The following GRIA4 variants were observed in gnomAD, a reference collection of about 807,000 sequenced individuals.
The protein encoded by GRIA4 is glutamate receptor 4.
A neutral mutation model predicts 104.0 loss-of-function variants in GRIA4; 34 were observed. That is an observed-to-expected ratio of 0.33 (90% CI 0.25 to 0.44). GRIA4 has a LOEUF of 0.44. Among genes scored for constraint, GRIA4 ranks in the 20% least tolerant of loss-of-function variants. The pLI, the probability that GRIA4 is intolerant of heterozygous loss-of-function variation, is 1.00. For synonymous variants in GRIA4, 386 were observed against 381.9 expected, an observed-to-expected ratio of 1.01 and a Z score of -0.13; for missense variants, 750 against 1,096.5, an observed-to-expected ratio of 0.68 and a Z score of 4.46.
In GRIA4 at chr11:105,615,080, T is replaced by C. The variant is rs144037305; in HGVS notation, c.247+2646T>C. On this transcript the variant is annotated intron_variant, in intron 3 of 16. Coordinates refer to ENST00000282499, the MANE Select transcript of GRIA4 (RefSeq NM_000829.4). ...TGGCTGGTTAAGTTTATTTTAGTCA[T>C]GATTTTTCTACAGTGGCTCCTTGTA... is the stretch of plus-strand genomic sequence containing the variant. 6.8e-3 allele frequency among the ~76,000 whole-genome samples: 1,028 copies of C among 152,046 alleles called. 8 individuals carry two copies. The highest frequency in any genetic ancestry group is 0.024 in the African/African-American group (991 of 41,520).
intron 14 of GRIA4, among the ~76,000 whole-genome samples, chr11:105,935,487 A>C (rs775922220): frequency 3.3e-5 from 5 of 152,214 alleles, no homozygotes; most frequent in Non-Finnish European, 7.4e-5. Flanking sequence ...TGTGTGATGC[A>C]ATATGAAGAA....
At chr11:105,639,775 TTTAG>T (rs1198183214) in intron 3 of GRIA4, among the ~76,000 whole-genome samples, 3 of 152,000 alleles carry the variant, frequency 2.0e-5, no homozygotes, top group African/African-American at 7.2e-5. Context: ...TCTGTATCTT[TTTAG>T]TTAGTGTCCA....
intron 6 of GRIA4, among the ~76,000 whole-genome samples, chr11:105,890,885 T>C (rs1293917545): frequency 6.6e-6 from 1 of 152,230 alleles, no homozygotes; most frequent in Non-Finnish European, 1.5e-5. Context: ...GCGATTCTTT[T>C]TTCTTTTCTA....
chr11:105,935,564 T>G (rs1015973636), intron 14 of GRIA4, among the ~76,000 whole-genome samples: 2 of 152,140 alleles, frequency 1.3e-5, no homozygotes, highest in African/African-American at 4.8e-5. Flanking sequence ...TGAGAGCACC[T>G]TAGCGTAAAT....
intron 3 of GRIA4, among the ~76,000 whole-genome samples, chr11:105,685,530 C>T (rs1241374217): frequency 1.3e-5 from 2 of 152,158 alleles, no homozygotes; most frequent in African/African-American, 2.4e-5. Context: ...TAAAAGAGTG[C>T]TAGTAACTGT....
intron 4 of GRIA4, among the ~76,000 whole-genome samples, chr11:105,860,312 G>A (rs1284122923): frequency 1.3e-5 from 2 of 152,052 alleles, no homozygotes; most frequent in Non-Finnish European, 2.9e-5. Flanking sequence ...AAACATACCT[G>A]AAAAAATTCA....
At chr11:105,653,606 G>A (rs139228618) in intron 3 of GRIA4, among the ~76,000 whole-genome samples, 1 of 152,150 alleles carries the variant, frequency 6.6e-6, no homozygotes, top group Non-Finnish European at 1.5e-5. Flanking sequence ...CCTCAGATAA[G>A]GACGGACTGT....
chr11:105,961,100 CAGTGA>C (rs1352864312), intron 14 of GRIA4, among the ~76,000 whole-genome samples: 1 of 152,226 alleles, frequency 6.6e-6, no homozygotes, highest in Admixed American at 6.5e-5. Flanking sequence ...ATTCTATCAT[CAGTGA>C]ATGAGAATGC....
intron 3 of GRIA4, among the ~76,000 whole-genome samples, chr11:105,633,986 G>C (rs1172980225): frequency 6.6e-6 from 1 of 152,078 alleles, no homozygotes; most frequent in African/African-American, 2.4e-5. Context: ...ATCTTCCTAA[G>C]TCTCAGTTTC....
intron 14 of GRIA4, among the ~76,000 whole-genome samples, chr11:105,966,233 A>G (rs1939826): frequency 0.18 from 28,033 of 152,260 alleles, 2,832 homozygotes; most frequent in South Asian, 0.24. Context: ...ACCATTATCA[A>G]TTTAGTGACA....
chr11:105,964,926 C>T (rs776667893), intron 14 of GRIA4, among the ~76,000 whole-genome samples: 5 of 152,044 alleles, frequency 3.3e-5, no homozygotes, highest in Non-Finnish European at 7.4e-5. Flanking sequence ...CCTGCTTCAG[C>T]CTCCTGAGTA....
intron 2 of GRIA4, among the ~76,000 whole-genome samples, chr11:105,611,313 A>G (rs969655432): frequency 2.6e-5 from 4 of 152,160 alleles, no homozygotes; most frequent in Non-Finnish European, 5.9e-5. Context: ...CCATAGCCCT[A>G]TTTCCACCTT....
At chr11:105,687,777 A>T (rs1404870237) in intron 3 of GRIA4, among the ~76,000 whole-genome samples, 12 of 152,194 alleles carry the variant, frequency 7.9e-5, no homozygotes, top group Admixed American at 7.9e-4. Flanking sequence ...AACACTTGAC[A>T]CACTAAGATT....
intron 4 of GRIA4, among the ~76,000 whole-genome samples, chr11:105,820,950 C>T (rs901986295): frequency 6.6e-6 from 1 of 152,054 alleles, no homozygotes; most frequent in Non-Finnish European, 1.5e-5. Context: ...GCGAAAACTT[C>T]CCTGATGGTA....
At chr11:105,635,110 T>C (rs1481111985) in intron 3 of GRIA4, among the ~76,000 whole-genome samples, 1 of 152,174 alleles carries the variant, frequency 6.6e-6, no homozygotes, top group Non-Finnish European at 1.5e-5. Context: ...AACTTTTCTT[T>C]CCTAAATATT....
chr11:105,938,722 C>A (rs545438183), intron 14 of GRIA4, among the ~76,000 whole-genome samples: 1 of 152,102 alleles, frequency 6.6e-6, no homozygotes, highest in Non-Finnish European at 1.5e-5. Flanking sequence ...ACACATAAAT[C>A]TTTTCTGAGA....
chr11:105,797,736 C>A (rs1942543416), intron 4 of GRIA4: 2 of 428,318 alleles, frequency 4.7e-6, no homozygotes. Flanking sequence ...GACTTGTAAT[C>A]AGTACCACAC....
intron 3 of GRIA4, among the ~76,000 whole-genome samples, chr11:105,660,285 G>T (rs192116785): frequency 1.3e-5 from 2 of 151,790 alleles, no homozygotes; most frequent in East Asian, 3.9e-4. Flanking sequence ...AAGAGCAGGT[G>T]CTAAAAAGGA....
At chr11:105,677,366 T>C (rs1952571460) in intron 3 of GRIA4, among the ~76,000 whole-genome samples, 1 of 151,854 alleles carries the variant, frequency 6.6e-6, no homozygotes, top group African/African-American at 2.4e-5. Context: ...GCAAAAATAA[T>C]TGAGATAGCA....
Sources: allele counts gnomAD v4.1 joint callset (sites outside exome capture counted in the v4.1 genomes callset), GRCh38; gene constraint gnomAD v4.1.1; transcripts MANE v1.5; gene names NCBI Gene and HGNC (gene_info 2026-07-23, HGNC 2026-07-21).